MRAS: variants seen among roughly 807,000 people sequenced by gnomAD.
MRAS encodes the protein muscle RAS oncogene homolog, also known as ras-related protein M-Ras.
MRAS carries 4 observed loss-of-function variants against 20.9 expected under a neutral mutation model. That is an observed-to-expected ratio of 0.19 (90% CI 0.09 to 0.44). The LOEUF (loss-of-function observed/expected upper bound fraction) is 0.44, where lower values mean the gene tolerates loss of function less well. Ranked by LOEUF, MRAS falls within the 20% of genes least tolerant of loss-of-function variation. MRAS has a pLI of 0.99. For missense variants in MRAS, 154 were observed against 277.5 expected (o/e 0.56, Z 3.16); for synonymous variants, 98 against 102.9 (o/e 0.95, Z 0.29).
intron 2 of MRAS, among the ~76,000 whole-genome samples, chr3:138,390,131 C>G (rs1317405156): frequency 6.6e-6 from 1 of 151,450 alleles, no homozygotes; most frequent in Non-Finnish European, 1.5e-5. Context: ...AAGATCTTGA[C>G]TATTACATCA....
chr3:138,373,424 TG>T, intron 2 of MRAS, among the ~76,000 whole-genome samples: 1 of 152,338 alleles, frequency 6.6e-6, no homozygotes, highest in South Asian at 2.1e-4. Flanking sequence ...TGTTTCTTAA[TG>T]AGCATAGTTT....
chr3:138,398,720 C>G, intron 4 of MRAS, 152 bp downstream of exon 4: 1 of 664,704 alleles, frequency 1.5e-6, no homozygotes, highest in Non-Finnish European at 2.6e-6. Context: ...TCCTGCAATT[C>G]CAGGAATCCA....
rs2055383886 is a variant in MRAS, at chr3:138,402,590, T to A, written c.*321T>A. Reference sequence around the variant, plus strand: ...TGTTGTTTATTGTAACTACATAGTGTTGGTTTGATGTGGAAGTGTTTATCC... The same window carrying A: ...TGTTGTTTATTGTAACTACATAGTGATGGTTTGATGTGGAAGTGTTTATCC... On this transcript the variant is annotated 3_prime_UTR_variant, in exon 6 of 6. Transcript: ENST00000423968. 1 of 296,702 alleles carries A rather than the reference T, an allele frequency of 3.4e-6. No individual in the cohort carries two copies. Among genetic ancestry groups the A allele is most frequent in the Non-Finnish European group, 6.3e-6 (1 of 159,886 alleles). The allele number at this position is 296,702 out of a possible 1,614,324, so 18.4% of individuals were successfully genotyped here. A position where few individuals can be genotyped will look rare whatever the true frequency, so the allele number is the denominator to read the frequency against.
intron 2 of MRAS, among the ~76,000 whole-genome samples, chr3:138,391,034 C>T (rs1242898808): frequency 6.6e-6 from 1 of 152,080 alleles, no homozygotes; most frequent in Non-Finnish European, 1.5e-5. Context: ...ATAAGAATTG[C>T]TGAAAGCTGG....
Position 138,373,001 on chromosome 3 carries a change from CCTGA to C in MRAS, c.121_124del (p.Asp41MetfsTer10), listed in dbSNP as rs1349118454. The C allele has an allele frequency of 6.4e-7, 1 of 1,567,142 alleles. No individual in the cohort carries two copies. The highest frequency in any genetic ancestry group is 1.4e-5 in the African/African-American group (1 of 71,760). On this transcript the variant is annotated frameshift_variant, in exon 2 of 6. Transcript: ENST00000423968. LOFTEE classifies it high-confidence loss of function. ...CCAGTTTTTCCAGAAGATCTTTGTG[CCTGA>C]CTATGACCCCACCATTGAAGACTCC...
intron 2 of MRAS, among the ~76,000 whole-genome samples, chr3:138,392,535 A>G (rs2055154192): frequency 6.6e-6 from 1 of 152,212 alleles, no homozygotes; most frequent in Admixed American, 6.5e-5. Flanking sequence ...TGTTTAAGCA[A>G]CATGCCTAGA....
chr3:138,376,887 T>C (rs1377018060), intron 2 of MRAS, among the ~76,000 whole-genome samples: 1 of 152,264 alleles, frequency 6.6e-6, no homozygotes, highest in East Asian at 1.9e-4. Context: ...CTGAAACACA[T>C]TGCATAATGC....
At chr3:138,392,592 C>T (rs972133441) in intron 2 of MRAS, among the ~76,000 whole-genome samples, 8 of 152,136 alleles carry the variant, frequency 5.3e-5, no homozygotes, top group Non-Finnish European at 4.4e-5. Flanking sequence ...TGTACCTTTC[C>T]GATTATAAAT....
chr3:138,372,915 T>C lies in MRAS; in HGVS notation c.32T>C (p.Leu11Pro), dbSNP rs2054705350. The change falls in exon 2 of 6, where the codon CTC becomes CCC. Residue 11 changes from leucine to proline, a missense_variant. Leu to Pro is a moderately conservative substitution (Grantham distance 98). This residue lies in a region of MRAS where 27 missense variants were observed against 42.0 expected (regional missense o/e 0.64). Coordinates refer to ENST00000423968, the MANE Select transcript of MRAS (RefSeq NM_001085049.3). Reference protein sequence around the residue: MATSAVPSDNLPTYKLVVVGD... With the variant: MATSAVPSDNPPTYKLVVVGD... Reference sequence around the variant, plus strand: ...ACCAGCGCCGTCCCCAGTGACAACCTCCCCACATACAAGCTGGTGGTGGTG... The same window carrying C: ...ACCAGCGCCGTCCCCAGTGACAACCCCCCCACATACAAGCTGGTGGTGGTG... 1 of 1,548,584 alleles carries C rather than the reference T, an allele frequency of 6.5e-7. No homozygotes were observed. The highest frequency in any genetic ancestry group is 2.6e-5 in the East Asian group (1 of 38,822).
rs1310855511 is a variant in MRAS, at chr3:138,383,929, G to A, written c.193+10853G>A. On this transcript the variant is annotated intron_variant, in intron 2 of 5. Coordinates refer to ENST00000423968, the MANE Select transcript of MRAS (RefSeq NM_001085049.3). The stretch of plus-strand genomic sequence containing the variant: ...GGTCTTGTGTTGGCTGGTCAAGGAG[G>A]GCTTTCCTGATAAGGGAATGTTGGA... 2.6e-5 allele frequency among the ~76,000 whole-genome samples: 4 copies of A among 152,112 alleles called. No homozygotes were observed. The East Asian group carries it at 7.7e-4, about 29-fold the overall frequency.
intron 5 of MRAS, among the ~76,000 whole-genome samples, chr3:138,401,536 T>C (rs1198300562): frequency 6.6e-6 from 1 of 152,206 alleles, no homozygotes; most frequent in Admixed American, 6.5e-5. Context: ...ATCCCAGCAC[T>C]CAGAGGCAAA....
intron 4 of MRAS, chr3:138,400,101 A>G (rs1372594501): frequency 1.3e-5 from 2 of 158,632 alleles, no homozygotes; most frequent in Admixed American, 6.4e-5. Context: ...AATCCTGGTC[A>G]TGGCCCAGCC....
intron 1 of MRAS, among the ~76,000 whole-genome samples, chr3:138,366,790 C>G (rs920744153): frequency 6.6e-6 from 1 of 152,200 alleles, no homozygotes; most frequent in Non-Finnish European, 1.5e-5. Context: ...CTATGCAGCT[C>G]CTTCTGGGCA....
chr3:138,349,968 A>G (rs767079168), intron 1 of MRAS: 2 of 152,210 alleles, frequency 1.3e-5, no homozygotes, highest in Non-Finnish European at 1.5e-5. Flanking sequence ...AGCTTGCCCA[A>G]GATCATATCT....
intron 2 of MRAS, among the ~76,000 whole-genome samples, chr3:138,380,884 C>T (rs1234129224): frequency 6.6e-6 from 1 of 151,976 alleles, no homozygotes; most frequent in Non-Finnish European, 1.5e-5. Context: ...ATTCTCCTGC[C>T]TCAGTCTTCC....
chr3:138,379,176 C>G (rs907948590), intron 2 of MRAS, among the ~76,000 whole-genome samples: 1 of 152,054 alleles, frequency 6.6e-6, no homozygotes, highest in African/African-American at 2.4e-5. Context: ...TTCATCCCCC[C>G]ACCCACACAC....
At chr3:138,396,217 C>G (rs961874605) in intron 2 of MRAS, among the ~76,000 whole-genome samples, 2 of 152,202 alleles carry the variant, frequency 1.3e-5, no homozygotes, top group Non-Finnish European at 2.9e-5. Flanking sequence ...GCTTTTGTGC[C>G]AGGCACTGCA....
intron 2 of MRAS, 72 bp from the exon 3 acceptor site, chr3:138,397,252 T>A: frequency 6.5e-7 from 1 of 1,549,488 alleles, no homozygotes; most frequent in Non-Finnish European, 8.8e-7. Flanking sequence ...AGCAGCAGTG[T>A]TGGAGTCTTG....
chr3:138,397,559 T>C (rs1560187553), intron 3 of MRAS, 82 bp downstream of exon 3: 6 of 1,489,598 alleles, frequency 4.0e-6, no homozygotes, highest in Non-Finnish European at 5.5e-6. Context: ...CTCTTTCTCT[T>C]TCTCTCTCTC....
Sources: allele counts gnomAD v4.1 joint callset (sites outside exome capture counted in the v4.1 genomes callset), GRCh38; gene constraint gnomAD v4.1.1; regional missense constraint gnomAD v4.1.1; transcripts MANE v1.5; gene names NCBI Gene and HGNC (gene_info 2026-07-23, HGNC 2026-07-21).